INPP4B: variants seen among roughly 807,000 people sequenced by gnomAD.
INPP4B encodes inositol polyphosphate 4-phosphatase type II.
Under a neutral mutation model 122.5 loss-of-function variants are expected in INPP4B, and 55 were observed. The ratio of observed to expected loss-of-function variants is 0.45; its 90% CI spans 0.36 to 0.56. The LOEUF is 0.56. Ranked by LOEUF, INPP4B falls within the 20% of genes least tolerant of loss-of-function variation. INPP4B has a pLI of 0.00. For missense variants in INPP4B, 1,000 were observed against 1,097.7 expected, an observed-to-expected ratio of 0.91 and a Z score of 1.26; for synonymous variants, 403 against 388.7, an observed-to-expected ratio of 1.04 and a Z score of -0.43.
At chr4:142,029,059 C>T (rs1738065757) in intron 25 of INPP4B, 145 bp from the exon 26 acceptor site, 2 of 1,403,406 alleles carry the variant, frequency 1.4e-6, no homozygotes, top group East Asian at 5.2e-5. Flanking sequence ...AGTGATGATA[C>T]ATCTTACAAA....
intron 2 of INPP4B, among the ~76,000 whole-genome samples, chr4:142,616,785 A>T (rs2150357840): frequency 6.6e-6 from 1 of 152,300 alleles, no homozygotes; most frequent in South Asian, 2.1e-4. Flanking sequence ...TGTCTTTTAC[A>T]GCAACATGGA....
chr4:142,197,138 A>AAAAAG (rs1838660343), intron 14 of INPP4B, among the ~76,000 whole-genome samples: 1 of 151,142 alleles, frequency 6.6e-6, no homozygotes, highest in Non-Finnish European at 1.5e-5. Flanking sequence ...AAAAAAAAAA[A>AAAAAG]AAAAAAAAGA....
chr4:142,730,078 T>A (rs1580790297), intron 1 of INPP4B, among the ~76,000 whole-genome samples: 1 of 152,098 alleles, frequency 6.6e-6, no homozygotes, highest in East Asian at 1.9e-4. Context: ...CCATCTCTCC[T>A]TGTGTATATT....
At chr4:142,801,514 A>G (rs2151091058) in intron 1 of INPP4B, among the ~76,000 whole-genome samples, 1 of 152,272 alleles carries the variant, frequency 6.6e-6, no homozygotes, top group South Asian at 2.1e-4. Context: ...AAGCCAAGGA[A>G]AGAGGCCTCA....
intron 2 of INPP4B, among the ~76,000 whole-genome samples, chr4:142,590,672 AGCT>A (rs1271678920): frequency 6.6e-6 from 1 of 151,934 alleles, no homozygotes; most frequent in Non-Finnish European, 1.5e-5. Flanking sequence ...ACTAATATTT[AGCT>A]TAATATTGTA....
chr4:142,697,095 G>A (rs1220107561), intron 2 of INPP4B, among the ~76,000 whole-genome samples: 1 of 152,124 alleles, frequency 6.6e-6, no homozygotes, highest in East Asian at 1.9e-4. Flanking sequence ...TTATATACAT[G>A]TGATGTTGAT....
At chr4:142,803,497 A>G (rs1255790162) in intron 1 of INPP4B, among the ~76,000 whole-genome samples, 1 of 151,700 alleles carries the variant, frequency 6.6e-6, no homozygotes, top group Non-Finnish European at 1.5e-5. Context: ...TTTTTTTCAT[A>G]AAAGAGGGGA....
intron 9 of INPP4B, among the ~76,000 whole-genome samples, chr4:142,273,639 C>G (rs1428205310): frequency 6.6e-6 from 1 of 151,862 alleles, no homozygotes; most frequent in African/African-American, 2.4e-5. Context: ...GATTTTCCTT[C>G]CTTTTGGGTT....
Position 142,605,065 on chromosome 4 carries a change from C to A in INPP4B, c.-191+120774G>T, listed in dbSNP as rs1179567759. 8.6e-5 allele frequency among the ~76,000 whole-genome samples: 13 copies of A among 151,952 alleles called. No homozygotes were observed. The South Asian group carries it at 2.7e-3, about 32-fold the overall frequency. The stretch of plus-strand genomic sequence containing the variant: ...AACAGAGGAGCCAGAAATAAATCCA[C>A]ATATTTATAGCCAACTGATCTTTGG... On this transcript the variant is annotated intron_variant, in intron 2 of 25. Coordinates refer to ENST00000262992, the MANE Select transcript of INPP4B (RefSeq NM_001101669.3).
intron 15 of INPP4B, among the ~76,000 whole-genome samples, chr4:142,175,612 T>C (rs1385908707): frequency 1.0e-5 from 1 of 97,514 alleles, no homozygotes; most frequent in African/African-American, 2.7e-5. Context: ...TTAATGCAAG[T>C]TAAAGTAAAT....
intron 11 of INPP4B, among the ~76,000 whole-genome samples, chr4:142,241,128 C>T (rs1442508611): frequency 6.6e-6 from 1 of 152,132 alleles, no homozygotes; most frequent in Non-Finnish European, 1.5e-5. Flanking sequence ...TTTATTCATG[C>T]AGGAGATGGC....
chr4:142,042,490 CT>C (rs1234003072), intron 25 of INPP4B, among the ~76,000 whole-genome samples: 8 of 149,832 alleles, frequency 5.3e-5, no homozygotes, highest in Non-Finnish European at 1.5e-5. Context: ...TTTCAACCCC[CT>C]TTTCCACTGC....
At chr4:142,103,124 G>A (rs113570179) in intron 23 of INPP4B, among the ~76,000 whole-genome samples, 11 of 152,070 alleles carry the variant, frequency 7.2e-5, no homozygotes, top group African/African-American at 2.7e-4. Flanking sequence ...TGCCGTTAAT[G>A]AGTCACAATC....
At chr4:142,434,788 T>C (rs1044366422) in intron 3 of INPP4B, among the ~76,000 whole-genome samples, 4 of 152,086 alleles carry the variant, frequency 2.6e-5, no homozygotes, top group African/African-American at 4.8e-5. Context: ...GGACAATCTA[T>C]GCAGCAAGGG....
chr4:142,363,722 T>G (rs1786354843), intron 7 of INPP4B, among the ~76,000 whole-genome samples: 1 of 152,022 alleles, frequency 6.6e-6, no homozygotes, highest in African/African-American at 2.4e-5. Context: ...AAAAGAATGA[T>G]TAAGGTGGTG....
intron 2 of INPP4B, among the ~76,000 whole-genome samples, chr4:142,611,755 G>C (rs1364050992): frequency 6.9e-6 from 1 of 144,300 alleles, no homozygotes; most frequent in African/African-American, 2.6e-5. Context: ...TGCAAGCTCT[G>C]CCTCTGAGGT....
intron 18 of INPP4B, among the ~76,000 whole-genome samples, chr4:142,139,424 A>G (rs1806542558): frequency 6.6e-6 from 1 of 152,140 alleles, no homozygotes; most frequent in African/African-American, 2.4e-5. Context: ...CTCTAGCCTC[A>G]GCCTCCCGAG....
rs187607137 is a variant in INPP4B at position 142,762,962 on chromosome 4, G to T, written c.-253-37061C>A. Among the ~76,000 whole-genome samples the T allele has an allele frequency of 5.3e-5, 8 of 152,250 alleles. No individual in the cohort carries two copies. The East Asian group carries it at 1.2e-3, about 22-fold the overall frequency. ...TTTGCCCTCCCACCTTCCATCATGT[G>T]AGGACACAGCAACAGGGCGCCATCT... On this transcript the variant is annotated intron_variant, in intron 1 of 25. Coordinates refer to ENST00000262992, the MANE Select transcript of INPP4B (RefSeq NM_001101669.3).
chr4:142,212,011 T>C (rs781481259), intron 12 of INPP4B, among the ~76,000 whole-genome samples: 1 of 152,096 alleles, frequency 6.6e-6, no homozygotes, highest in South Asian at 2.1e-4. Flanking sequence ...GAGCAAGTGG[T>C]CAAAAATGTG....
Sources: allele counts gnomAD v4.1 joint callset (sites outside exome capture counted in the v4.1 genomes callset), GRCh38; gene constraint gnomAD v4.1.1; transcripts MANE v1.5; gene names NCBI Gene and HGNC (gene_info 2026-07-23, HGNC 2026-07-21).